The following SDHAF3 variants were observed in gnomAD, a reference collection of about 807,000 sequenced individuals.
The protein encoded by SDHAF3 is succinate dehydrogenase complex assembly factor 3, also known as succinate dehydrogenase assembly factor 3, mitochondrial.
SDHAF3 carries 18 observed loss-of-function variants against 11.5 expected under a neutral mutation model. The observed-to-expected ratio is 1.56, with a 90% confidence interval of 1.08 to 2.32. The LOEUF (loss-of-function observed/expected upper bound fraction) is 2.32. Ranked by LOEUF, SDHAF3 falls within the 30% of genes most tolerant of loss-of-function variation. The pLI, the probability that SDHAF3 is intolerant of heterozygous loss-of-function variation, is 0.00. For missense variants in SDHAF3, 200 were observed against 154.4 expected (o/e 1.30, Z -1.57); for synonymous variants, 72 against 59.3 (o/e 1.21, Z -0.99).
At chr7:97,171,277 C>G (rs1347285517) in intron 1 of SDHAF3, among the ~76,000 whole-genome samples, 1 of 151,954 alleles carries the variant, frequency 6.6e-6, no homozygotes, top group Non-Finnish European at 1.5e-5. Context: ...GGGAAAGTTA[C>G]CTTTTTCTTT....
chr7:97,139,076 C>T (rs1415071077), intron 1 of SDHAF3, among the ~76,000 whole-genome samples: 3 of 152,258 alleles, frequency 2.0e-5, no homozygotes, highest in Non-Finnish European at 4.4e-5. Context: ...CCTGCCGCTG[C>T]ATCTCACTGC....
At chr7:97,151,973 C>T (rs145312632) in intron 1 of SDHAF3, among the ~76,000 whole-genome samples, 146 of 152,288 alleles carry the variant, frequency 9.6e-4, no homozygotes, top group Admixed American at 2.0e-3. Context: ...ACTACATTGA[C>T]ACATTAAGAT....
chr7:97,134,565 GC>G (rs1436767285), intron 1 of SDHAF3, among the ~76,000 whole-genome samples: 1 of 152,048 alleles, frequency 6.6e-6, no homozygotes, highest in Non-Finnish European at 1.5e-5. Flanking sequence ...TCCTGCCTCA[GC>G]CCCCCAAGTA....
intron 1 of SDHAF3, among the ~76,000 whole-genome samples, chr7:97,151,165 C>T (rs546573113): frequency 3.4e-4 from 52 of 152,130 alleles, no homozygotes; most frequent in Non-Finnish European, 5.7e-4. Context: ...CTGCACACTC[C>T]GAAGTTTCTG....
chr7:97,141,379 C>T (rs1017086170), intron 1 of SDHAF3, among the ~76,000 whole-genome samples: 3 of 152,140 alleles, frequency 2.0e-5, no homozygotes, highest in Non-Finnish European at 2.9e-5. Flanking sequence ...TTGAAAATCA[C>T]TAATAAAAAC....
intron 1 of SDHAF3, among the ~76,000 whole-genome samples, chr7:97,124,720 T>G (rs1047780032): frequency 6.6e-6 from 1 of 152,208 alleles, no homozygotes; most frequent in African/African-American, 2.4e-5. Context: ...GTGTCTCTTG[T>G]AAGTTGTATT....
intron 1 of SDHAF3, among the ~76,000 whole-genome samples, chr7:97,123,157 C>T (rs563311641): frequency 6.6e-6 from 1 of 152,092 alleles, no homozygotes; most frequent in South Asian, 2.1e-4. Context: ...CCCCCCACCC[C>T]CTGAAAGGCC....
In SDHAF3 at chr7:97,181,077, T is replaced by G. The variant is rs1400358621; in HGVS notation, c.240T>G (p.Cys80Trp). ...ENRQNSTGKA[C>W]FGTFLPEEKL... ...GACAAAATTCAACTGGAAAAGCATGTTTTGGCACCTTCCTCCCAGAAGAAA... is the reference window on the plus strand; with the variant it reads ...GACAAAATTCAACTGGAAAAGCATGGTTTGGCACCTTCCTCCCAGAAGAAA... Residue 80 changes from cysteine (C) to tryptophan (W), a missense_variant, in exon 2 of 2, where the codon TGT becomes TGG. Cys to Trp is a radical substitution (Grantham distance 215). Coordinates refer to ENST00000432641, the MANE Select transcript of SDHAF3 (RefSeq NM_020186.3). 6.2e-7 allele frequency: 1 copy of G among 1,613,876 alleles called. No individual in the cohort carries two copies. The highest frequency in any genetic ancestry group is 1.3e-5 in the African/African-American group (1 of 74,908).
chr7:97,158,087 GTAAC>G (rs1214358108), intron 1 of SDHAF3, among the ~76,000 whole-genome samples: 3 of 151,696 alleles, frequency 2.0e-5, no homozygotes, highest in African/African-American at 7.3e-5. Context: ...GTATACATAT[GTAAC>G]TAACCTGCAC....
intron 1 of SDHAF3, among the ~76,000 whole-genome samples, chr7:97,125,673 T>G (rs1329184462): frequency 1.3e-5 from 2 of 152,244 alleles, no homozygotes; most frequent in African/African-American, 2.4e-5. Context: ...GCTGTGTTTT[T>G]CATCTCCATC....
In SDHAF3 at chr7:97,142,042, C is replaced by CTTT. The variant is rs71131003; in HGVS notation, c.174+24172_174+24174dup. 2.1e-3 allele frequency among the ~76,000 whole-genome samples: 129 copies of CTTT among 61,690 alleles called. 19 individuals carry two copies. The highest frequency in any genetic ancestry group is 4.2e-3 in the African/African-American group (67 of 15,988). 40.5% of individuals were successfully genotyped at this position (61,690 alleles called of 152,430 possible). On this transcript the variant is annotated intron_variant, in intron 1 of 1. Transcript: ENST00000432641. The stretch of plus-strand genomic sequence containing the variant: ...AGCAATGAAATGTGTGAATTGTTGT[C>CTTT]TTTTTTTTTTTTTTTTTTTTTTTTT...
chr7:97,156,161 T>C (rs1259567981), intron 1 of SDHAF3, among the ~76,000 whole-genome samples: 1 of 152,232 alleles, frequency 6.6e-6, no homozygotes, highest in African/African-American at 2.4e-5. Flanking sequence ...TTAGTTGTCA[T>C]GTCACCTTAG....
At chr7:97,119,217 TTATGG>T (rs1260476433) in intron 1 of SDHAF3, among the ~76,000 whole-genome samples, 1 of 152,214 alleles carries the variant, frequency 6.6e-6, no homozygotes, top group Non-Finnish European at 1.5e-5. Flanking sequence ...TTTACATCTT[TTATGG>T]TAGGTCATTT....
At chr7:97,172,071 G>C (rs1789608370) in intron 1 of SDHAF3, among the ~76,000 whole-genome samples, 1 of 151,914 alleles carries the variant, frequency 6.6e-6, no homozygotes, top group Admixed American at 6.6e-5. Context: ...TATCAAAACA[G>C]TACAGGGTTG....
intron 1 of SDHAF3, among the ~76,000 whole-genome samples, chr7:97,139,664 G>T (rs1426422635): frequency 1.3e-5 from 2 of 152,250 alleles, no homozygotes; most frequent in Non-Finnish European, 2.9e-5. Flanking sequence ...CTAGGCATTT[G>T]TCTGCCTCCT....
intron 1 of SDHAF3, among the ~76,000 whole-genome samples, chr7:97,170,103 T>G (rs1789584114): frequency 6.6e-6 from 1 of 152,026 alleles, no homozygotes; most frequent in African/African-American, 2.4e-5. Flanking sequence ...AGTTCGTTTT[T>G]TTTTTTTAAC....
intron 1 of SDHAF3, among the ~76,000 whole-genome samples, chr7:97,146,786 ACCTTTTT>A (rs1018287537): frequency 2.0e-5 from 3 of 147,236 alleles, no homozygotes; most frequent in African/African-American, 7.5e-5. Context: ...TTTAATAGGT[ACCTTTTT>A]TTTTTTTTTT....
chr7:97,172,376 T>A (rs1407731981), intron 1 of SDHAF3, among the ~76,000 whole-genome samples: 2 of 152,154 alleles, frequency 1.3e-5, no homozygotes, highest in African/African-American at 4.8e-5. Flanking sequence ...TCCAGTAGCT[T>A]TTCTGCCTTC....
In SDHAF3 at chr7:97,117,743, C is replaced by G; in HGVS notation, c.20C>G (p.Ser7Cys). The stretch of plus-strand genomic sequence containing the variant: ...GGCGCTATGCCGGGGCGGCACGTTT[C>G]TCGAGTCCGGGCATTGTACAAGCGC... MPGRHV[S>C]RVRALYKRVL... The change falls in exon 1 of 2, where the codon TCT becomes TGT. Residue 7 changes from serine (S) to cysteine (C), a missense_variant. By Grantham distance (112) the Ser-to-Cys change is moderately radical (BLOSUM62 -1). Transcript: ENST00000432641. The G allele has an allele frequency of 6.2e-7, 1 of 1,613,566 alleles. No homozygotes were observed. The highest frequency in any genetic ancestry group is 8.5e-7 in the Non-Finnish European group (1 of 1,179,658).
Sources: gnomAD v4.1 joint callset for allele counts (sites outside exome capture counted in the v4.1 genomes callset) on GRCh38, gnomAD v4.1.1 for gene constraint, MANE v1.5 for transcripts, NCBI Gene and HGNC (gene_info 2026-07-23, HGNC 2026-07-21) for gene names.